TTC23L: variants seen among roughly 807,000 people sequenced by gnomAD.
TTC23L encodes tetratricopeptide repeat protein 23-like.
Under a neutral mutation model 48.1 loss-of-function variants are expected in TTC23L, and 42 were observed. The ratio of observed to expected loss-of-function variants is 0.87; its 90% confidence interval spans 0.68 to 1.13. TTC23L has a LOEUF of 1.13. Ranked by LOEUF, TTC23L falls within the 50% of genes most tolerant of loss-of-function variation. TTC23L has a pLI of 0.00. For missense variants in TTC23L, 391 were observed against 421.0 expected (o/e 0.93, Z 0.62); for synonymous variants, 159 against 157.2 (o/e 1.01, Z -0.09).
At chr5:34,915,389 C>T in the TTC23L span, 3 of 249,984 alleles carry the variant, frequency 1.2e-5, no homozygotes, top group Admixed American at 1.0e-4. Context: ...TTACTAGTCT[C>T]GGGGTCCCCG....
At chr5:34,906,812 CAA>C in the TTC23L span, 3 of 151,968 alleles carry the variant, frequency 2.0e-5, no homozygotes, top group African/African-American at 7.3e-5. Flanking sequence ...ACACTAGTAA[CAA>C]AAGACAAAAA....
chr5:34,894,883 A>AACG (rs111383085), intron 9 of TTC23L, among the ~76,000 whole-genome samples: 2 of 150,822 alleles, frequency 1.3e-5, no homozygotes, highest in African/African-American at 4.9e-5. Flanking sequence ...TGAGAGTGTT[A>AACG]ATGATGATGA....
At chr5:34,898,894 T>C (rs1488293117) in intron 10 of TTC23L, among the ~76,000 whole-genome samples, 3 of 152,168 alleles carry the variant, frequency 2.0e-5, no homozygotes, top group South Asian at 2.1e-4. Context: ...TTTTGGATCA[T>C]AATACATCAA....
chr5:34,865,316 C>G lies in TTC23L; in HGVS notation c.662+754C>G, dbSNP rs529883965. On this transcript the variant is annotated intron_variant, in intron 6 of 10. Transcript: ENST00000505624. ...GACTGAATAGTAAGTAAATGAAATACATGCGTCATGTCTGCGTCCTCTAAA... is the reference window on the plus strand; with the variant it reads ...GACTGAATAGTAAGTAAATGAAATAGATGCGTCATGTCTGCGTCCTCTAAA... Among the ~76,000 whole-genome samples the G allele has an allele frequency of 8.6e-4, 131 of 152,260 alleles. 3 individuals are homozygous for G. The highest frequency in any genetic ancestry group is 2.9e-3 in the South Asian group (14 of 4,824).
At chr5:34,846,576 A>AAAATAT (rs1208315692) in intron 3 of TTC23L, among the ~76,000 whole-genome samples, 17 of 98,346 alleles carry the variant, frequency 1.7e-4, no homozygotes, top group African/African-American at 1.0e-3. Flanking sequence ...AAAAAAAAAA[A>AAAATAT]ATATATATAT....
intron 9 of TTC23L, among the ~76,000 whole-genome samples, chr5:34,892,842 A>T (rs1367526881): frequency 6.6e-6 from 1 of 152,234 alleles, no homozygotes; most frequent in African/African-American, 2.4e-5. Context: ...CGTGCTGGAC[A>T]TGAGTTTGGA....
chr5:34,875,310 T>C (rs772917922), intron 8 of TTC23L, among the ~76,000 whole-genome samples: 2 of 152,130 alleles, frequency 1.3e-5, no homozygotes, highest in Non-Finnish European at 2.9e-5. Context: ...ACATAACTAA[T>C]AGGATAGATA....
At chr5:34,842,284 C>T (rs989051669) in intron 2 of TTC23L, among the ~76,000 whole-genome samples, 9 of 151,916 alleles carry the variant, frequency 5.9e-5, no homozygotes, top group African/African-American at 1.9e-4. Context: ...CATCTTAATT[C>T]AGACCAGCAA....
At chr5:34,923,206 A>G in the TTC23L span, 2 of 1,613,828 alleles carry the variant, frequency 1.2e-6, no homozygotes, top group South Asian at 2.2e-5. Flanking sequence ...ACCATTTTGG[A>G]TAATAGGATA....
At chr5:34,888,505 G>A (rs937106319) in intron 9 of TTC23L, 1 of 985,230 alleles carries the variant, frequency 1.0e-6, no homozygotes, top group Admixed American at 6.1e-5. Context: ...GTAGAAGTAG[G>A]GAGACAAAGA....
downstream of TTC23L, among the ~76,000 whole-genome samples, chr5:34,900,558 C>T (rs1015141387): frequency 6.6e-6 from 1 of 152,064 alleles, no homozygotes; most frequent in Non-Finnish European, 1.5e-5. Flanking sequence ...TTATTGATTC[C>T]GTTAAGTTTA....
At chr5:34,848,106 C>G (rs1038172282) in intron 3 of TTC23L, among the ~76,000 whole-genome samples, 1 of 152,108 alleles carries the variant, frequency 6.6e-6, no homozygotes, top group South Asian at 2.1e-4. Context: ...TCAAAGTGGC[C>G]TGCCCCAAAG....
chr5:34,900,644 A>G (rs183205957), downstream of TTC23L, among the ~76,000 whole-genome samples: 12 of 152,262 alleles, frequency 7.9e-5, no homozygotes, highest in South Asian at 4.1e-4. Flanking sequence ...TCTTTGATAC[A>G]TATCAAGCAA....
chr5:34,889,518 C>T (rs1329963758), intron 9 of TTC23L, among the ~76,000 whole-genome samples: 1 of 152,164 alleles, frequency 6.6e-6, no homozygotes, highest in African/African-American at 2.4e-5. Flanking sequence ...CCTATCCACA[C>T]CCCCTTCAGT....
chr5:34,871,324 GC>G (rs35939993), intron 8 of TTC23L, among the ~76,000 whole-genome samples: 20,495 of 151,956 alleles, frequency 0.13, 1,617 homozygotes, highest in Middle Eastern at 0.19. Flanking sequence ...CCCCATCCCT[GC>G]AAATGAAATA....
At chr5:34,911,668 T>C in the TTC23L span, 13 of 1,614,152 alleles carry the variant, frequency 8.1e-6, no homozygotes, top group East Asian at 4.5e-5. Flanking sequence ...ATTAATAACA[T>C]TGGTGCTGCA....
chr5:34,910,377 G>A, the TTC23L span, among the ~76,000 whole-genome samples: 4 of 151,532 alleles, frequency 2.6e-5, no homozygotes, highest in Non-Finnish European at 5.9e-5. Flanking sequence ...CAGACCTTGA[G>A]CCAAATTTTT....
At chr5:34,911,880 A>AT in the TTC23L span, 1 of 1,523,742 alleles carries the variant, frequency 6.6e-7, no homozygotes, top group Non-Finnish European at 8.9e-7. Flanking sequence ...CCTCGAAATG[A>AT]TACATAAAAT....
intron 4 of TTC23L, among the ~76,000 whole-genome samples, chr5:34,855,363 C>G (rs1326646052): frequency 1.3e-5 from 2 of 152,118 alleles, no homozygotes; most frequent in Admixed American, 6.5e-5. Context: ...GGAGATTTTC[C>G]AGCAGGATGA....
Sources: gnomAD v4.1 joint callset for allele counts (sites outside exome capture counted in the v4.1 genomes callset) on GRCh38, gnomAD v4.1.1 for gene constraint, MANE v1.5 for transcripts, NCBI Gene and HGNC (gene_info 2026-07-23, HGNC 2026-07-21) for gene names.